Variants in SETDB2 observed in about 807,000 individuals in gnomAD.
SETDB2 encodes SET domain bifurcated histone lysine methyltransferase 2, also known as histone-lysine N-methyltransferase SETDB2.
In SETDB2, 56 loss-of-function variants were observed where a neutral mutation model predicts 82.5. The observed-to-expected ratio is 0.68, with a 90% CI of 0.55 to 0.85. The LOEUF (loss-of-function observed/expected upper bound fraction) is 0.85. Among genes scored for constraint, SETDB2 ranks in the 40% least tolerant of loss-of-function variants. The pLI is 0.00. For missense variants in SETDB2, 677 were observed against 816.4 expected, an observed-to-expected ratio of 0.83 and a Z score of 2.08; for synonymous variants, 272 against 284.9, an observed-to-expected ratio of 0.95 and a Z score of 0.46.
At chr13:49,472,815 A>G (rs1232186694) in intron 5 of SETDB2, among the ~76,000 whole-genome samples, 1 of 151,856 alleles carries the variant, frequency 6.6e-6, no homozygotes, top group Non-Finnish European at 1.5e-5. Context: ...ACTCCTCCCT[A>G]ACTCTTCTTA....
In SETDB2 at chr13:49,459,687, T is replaced by C. The variant is rs138194700; in HGVS notation, c.17-420T>C. ...GCAATTAAACATATAGAAGACTTTTTTAAAAAGCAGTATTGTTGGACATTT... is the reference window on the plus strand; with the variant it reads ...GCAATTAAACATATAGAAGACTTTTCTAAAAAGCAGTATTGTTGGACATTT... On this transcript the variant is annotated intron_variant, in intron 2 of 13. Transcript: ENST00000611815. Among the ~76,000 whole-genome samples, 3 of 152,304 alleles carry C rather than the reference T, an allele frequency of 2.0e-5. No homozygotes were observed. The East Asian group carries it at 5.8e-4, about 29-fold the overall frequency.
chr13:49,490,672 T>A, intron 12 of SETDB2, 150 bp from the exon 13 acceptor site: 1 of 526,546 alleles, frequency 1.9e-6, no homozygotes, highest in Non-Finnish European at 3.2e-6. Flanking sequence ...GGGTTCCCAC[T>A]ATTAACAGGA....
chr13:49,475,969 T>C (rs1170098791), intron 5 of SETDB2, among the ~76,000 whole-genome samples: 1 of 152,144 alleles, frequency 6.6e-6, no homozygotes, highest in Non-Finnish European at 1.5e-5. Flanking sequence ...TCAGCCAGCC[T>C]TTGTTTTTTT....
At position 49,469,344 on chromosome 13, in the gene SETDB2, A is replaced by G. The variant is rs145100278; in HGVS notation, c.305+1384A>G. ...TACTGTTGTCCCGCCTACACTTCTCACTTACAAAGTGGTCATGAAAAATCA... is the reference window on the plus strand; with the variant it reads ...TACTGTTGTCCCGCCTACACTTCTCGCTTACAAAGTGGTCATGAAAAATCA... On this transcript the variant is annotated intron_variant, in intron 5 of 13. Coordinates refer to ENST00000611815, the MANE Select transcript of SETDB2 (RefSeq NM_001160308.3). Among the ~76,000 whole-genome samples, 755 of 152,278 alleles carry G rather than the reference A, an allele frequency of 5.0e-3. 10 individuals carry two copies. The highest frequency in any genetic ancestry group is 0.018 in the African/African-American group (730 of 41,548).
chr13:49,474,412 A>G (rs1001195290), intron 5 of SETDB2, among the ~76,000 whole-genome samples: 3 of 152,226 alleles, frequency 2.0e-5, no homozygotes, highest in African/African-American at 7.2e-5. Context: ...CACTATGGAG[A>G]ACAATTTGGC....
chr13:49,476,196 G>A (rs1403695352), intron 5 of SETDB2, among the ~76,000 whole-genome samples: 2 of 152,164 alleles, frequency 1.3e-5, no homozygotes, highest in African/African-American at 4.8e-5. Context: ...TGAGGCAGGA[G>A]GATCACTTGG....
chr13:49,481,185 G>A (rs1958469281), intron 8 of SETDB2, 69 bp downstream of exon 8: 1 of 1,475,668 alleles, frequency 6.8e-7, no homozygotes, highest in Admixed American at 1.9e-5. Context: ...CATTTTCCTA[G>A]CCAGGGCTGT....
chr13:49,479,432 T>C (rs1460284887), intron 6 of SETDB2, among the ~76,000 whole-genome samples: 1 of 152,240 alleles, frequency 6.6e-6, no homozygotes, highest in African/African-American at 2.4e-5. Flanking sequence ...TCCAAATTAA[T>C]GAATTTGTTG....
chr13:49,447,671 A>G (rs1275109230), intron 1 of SETDB2, among the ~76,000 whole-genome samples: 3 of 152,132 alleles, frequency 2.0e-5, no homozygotes, highest in African/African-American at 7.2e-5. Context: ...TAATATAAGC[A>G]TTCACATTGA....
intron 4 of SETDB2, among the ~76,000 whole-genome samples, chr13:49,466,811 CTTTTT>C (rs3039228): frequency 3.4e-5 from 4 of 116,764 alleles, no homozygotes; most frequent in African/African-American, 1.3e-4. Context: ...GCCTGGCTAA[CTTTTT>C]TTTTTTTTTT....
chr13:49,459,280 T>C (rs1957947504), intron 2 of SETDB2, among the ~76,000 whole-genome samples: 1 of 152,182 alleles, frequency 6.6e-6, no homozygotes, highest in Non-Finnish European at 1.5e-5. Flanking sequence ...CTGGGTTTAA[T>C]TTGTGTTAGG....
chr13:49,446,044 CAT>C (rs1052830332), intron 1 of SETDB2: 1 of 234,734 alleles, frequency 4.3e-6, no homozygotes, highest in African/African-American at 2.4e-5. Context: ...ACCTGGGCAA[CAT>C]AGACCTCATG....
chr13:49,456,985 TA>T (rs1475245635), intron 2 of SETDB2, among the ~76,000 whole-genome samples: 1 of 152,208 alleles, frequency 6.6e-6, no homozygotes, highest in African/African-American at 2.4e-5. Flanking sequence ...CATATTTATT[TA>T]AAACCCAGAA....
chr13:49,458,230 T>C (rs1306082296), intron 2 of SETDB2, among the ~76,000 whole-genome samples: 1 of 152,162 alleles, frequency 6.6e-6, no homozygotes, highest in Non-Finnish European at 1.5e-5. Flanking sequence ...ACTACAGGCA[T>C]GTACCACCTC....
chr13:49,481,485 A>C (rs1958476500), intron 8 of SETDB2, among the ~76,000 whole-genome samples: 1 of 152,226 alleles, frequency 6.6e-6, no homozygotes, highest in Admixed American at 6.5e-5. Context: ...ATGACCAGTC[A>C]AAAACTTTCT....
intron 4 of SETDB2, among the ~76,000 whole-genome samples, chr13:49,467,310 G>A (rs937346455): frequency 1.3e-5 from 2 of 152,018 alleles, no homozygotes; most frequent in African/African-American, 2.4e-5. Flanking sequence ...CAGGAGAATC[G>A]TTTGAACCTA....
intron 2 of SETDB2, 41 bp from the exon 3 acceptor site, chr13:49,460,066 T>C (rs1957963151): frequency 1.9e-6 from 3 of 1,578,574 alleles, no homozygotes; most frequent in Non-Finnish European, 2.6e-6. Flanking sequence ...TTATAGTATT[T>C]TTCTATTAGC....
At chr13:49,461,397 C>A (rs189950546) in intron 4 of SETDB2, among the ~76,000 whole-genome samples, 1 of 152,176 alleles carries the variant, frequency 6.6e-6, no homozygotes, top group East Asian at 1.9e-4. Context: ...AAATGTGTGT[C>A]GTCTTTGGGG....
intron 2 of SETDB2, among the ~76,000 whole-genome samples, chr13:49,453,414 A>G (rs531707078): frequency 1.1e-4 from 17 of 151,794 alleles, no homozygotes; most frequent in African/African-American, 3.1e-4. Flanking sequence ...CTCTTGCCTC[A>G]GCCTCCTGAG....
Sources: gnomAD v4.1 joint callset for allele counts (sites outside exome capture counted in the v4.1 genomes callset) on GRCh38, gnomAD v4.1.1 for gene constraint, MANE v1.5 for transcripts, NCBI Gene and HGNC (gene_info 2026-07-23, HGNC 2026-07-21) for gene names.